Variants in NRXN1 observed in about 807,000 individuals in gnomAD.
NRXN1 encodes neurexin 1, also known as neurexin-1.
Under a neutral mutation model 150.9 loss-of-function variants are expected in NRXN1, and 39 were observed. That is an observed-to-expected ratio of 0.26 (90% CI 0.20 to 0.34). The LOEUF (loss-of-function observed/expected upper bound fraction) is 0.34. NRXN1 is among the 10% of genes least tolerant of loss of function. The probability of loss-of-function intolerance (pLI) is 1.00; values close to 1 mark genes in which losing one functional copy is unlikely to be tolerated. For synonymous variants in NRXN1, 924 were observed against 757.0 expected (o/e 1.22, Z -3.62); for missense variants, 1,815 against 1,949.9 (o/e 0.93, Z 1.30).
intron 2 of NRXN1, among the ~76,000 whole-genome samples, chr2:50,970,335 G>A (rs1274683565): frequency 6.6e-6 from 1 of 152,016 alleles, no homozygotes; most frequent in Admixed American, 6.6e-5. Flanking sequence ...CTGCTGCTGA[G>A]GCCTTCATTT....
intron 19 of NRXN1, among the ~76,000 whole-genome samples, chr2:50,062,567 C>T (rs965833472): frequency 3.3e-5 from 5 of 152,120 alleles, no homozygotes; most frequent in African/African-American, 1.2e-4. Context: ...AACAAGCAGA[C>T]TTCCGGGAAA....
intron 18 of NRXN1, among the ~76,000 whole-genome samples, chr2:50,093,665 T>A (rs776333894): frequency 7.2e-5 from 11 of 152,118 alleles, no homozygotes; most frequent in South Asian, 2.1e-4. Flanking sequence ...AATTACCCTA[T>A]CTACATGGAC....
chr2:50,345,389 C>T (rs1028829690), intron 17 of NRXN1, among the ~76,000 whole-genome samples: 3 of 152,168 alleles, frequency 2.0e-5, no homozygotes, highest in African/African-American at 7.2e-5. Flanking sequence ...ATCCTGGTAG[C>T]ACCAGCAGCT....
chr2:50,574,622 T>C (rs1290450761), intron 8 of NRXN1, among the ~76,000 whole-genome samples: 1 of 152,178 alleles, frequency 6.6e-6, no homozygotes, highest in Non-Finnish European at 1.5e-5. Context: ...AATCCAAATG[T>C]TAACTTCACC....
chr2:50,553,053 C>T, intron 8 of NRXN1, 28 bp from the exon 9 acceptor site: 1 of 1,484,236 alleles, frequency 6.7e-7, no homozygotes. Context: ...CAGTGAGAAA[C>T]TAGCCTCCAT....
chr2:50,183,224 A>G (rs998081283), intron 18 of NRXN1, among the ~76,000 whole-genome samples: 5 of 152,110 alleles, frequency 3.3e-5, no homozygotes, highest in African/African-American at 9.7e-5. Context: ...AATATTTGTC[A>G]GAAGCATCTG....
intron 17 of NRXN1, among the ~76,000 whole-genome samples, chr2:50,434,331 C>T (rs1290069018): frequency 6.6e-6 from 1 of 152,136 alleles, no homozygotes; most frequent in East Asian, 1.9e-4. Context: ...ATCCGCCTAC[C>T]TCGGCCTCCC....
chr2:50,790,906 G>A (rs769661735), intron 5 of NRXN1, among the ~76,000 whole-genome samples: 2 of 151,968 alleles, frequency 1.3e-5, no homozygotes, highest in African/African-American at 2.4e-5. Context: ...TTCCACTTTT[G>A]GCATCAAGTG....
At chr2:50,908,571 A>G (rs1463177511) in intron 5 of NRXN1, among the ~76,000 whole-genome samples, 2 of 152,048 alleles carry the variant, frequency 1.3e-5, no homozygotes, top group Non-Finnish European at 2.9e-5. Context: ...GACAACCAGC[A>G]AAGAGATGGT....
intron 17 of NRXN1, among the ~76,000 whole-genome samples, chr2:50,354,430 T>A (rs1177101482): frequency 6.6e-6 from 1 of 151,410 alleles, no homozygotes; most frequent in African/African-American, 2.4e-5. Flanking sequence ...GTAAAAAAGG[T>A]TAATTGTAGG....
At chr2:50,341,416 T>C (rs10188626) in intron 17 of NRXN1, among the ~76,000 whole-genome samples, 3,813 of 151,160 alleles carry the variant, frequency 0.025, 132 homozygotes, top group African/African-American at 0.088. Context: ...AAAAAAATCA[T>C]TGGGAACCTA....
At chr2:50,082,295 G>C (rs573161804) in intron 19 of NRXN1, among the ~76,000 whole-genome samples, 60 of 152,276 alleles carry the variant, frequency 3.9e-4, no homozygotes, top group Middle Eastern at 3.4e-3. Flanking sequence ...TCATGATAAT[G>C]CTATTCTCTG....
rs1175670559 is a variant in NRXN1 at position 50,403,265 on chromosome 2, C to T, written c.3364+62177G>A. On this transcript the variant is annotated intron_variant, in intron 17 of 22. Transcript: ENST00000401669. The stretch of plus-strand genomic sequence containing the variant: ...ATGGGGTAAAGGAGATTAAGGTGCT[C>T]CTTGTTTGCTTGATAATCATTAATG... Among the ~76,000 whole-genome samples the T allele has an allele frequency of 3.3e-5, 5 of 152,054 alleles. No individual in the cohort carries two copies. In the South Asian group the frequency reaches 6.2e-4, roughly 19 times the overall value.
chr2:50,960,557 T>C (rs1693005749), intron 2 of NRXN1, among the ~76,000 whole-genome samples: 1 of 151,910 alleles, frequency 6.6e-6, no homozygotes, highest in Non-Finnish European at 1.5e-5. Flanking sequence ...AGACATATTA[T>C]CACCTACATG....
At chr2:50,251,704 ACT>A (rs1435834847) in intron 17 of NRXN1, among the ~76,000 whole-genome samples, 7 of 151,800 alleles carry the variant, frequency 4.6e-5, no homozygotes, top group Non-Finnish European at 1.0e-4. Flanking sequence ...CTGTTTCTTG[ACT>A]CTTTAATAAT....
At chr2:50,913,367 CT>C (rs1684794329) in intron 5 of NRXN1, among the ~76,000 whole-genome samples, 1 of 151,666 alleles carries the variant, frequency 6.6e-6, no homozygotes, top group Non-Finnish European at 1.5e-5. Context: ...TGATTGTTTC[CT>C]TAAATGGAGT....
rs1450244062 is a variant in NRXN1 at position 50,158,618 on chromosome 2, A to AT, written c.3547-67125_3547-67124insA. ...TAAAGTTCTTTGTGAAGGAAAAAAA[A>AT]CATTATCTTCAGAAACCAGGAAGCT... On this transcript the variant is annotated intron_variant, in intron 18 of 22. Coordinates refer to ENST00000401669, the MANE Select transcript of NRXN1 (RefSeq NM_001330078.2). 2.6e-5 allele frequency among the ~76,000 whole-genome samples: 4 copies of AT among 152,142 alleles called. No individual in the cohort carries two copies. In the East Asian group the frequency reaches 7.7e-4, roughly 29 times the overall value.
At chr2:50,425,395 A>T (rs2084395476) in intron 17 of NRXN1, among the ~76,000 whole-genome samples, 1 of 152,186 alleles carries the variant, frequency 6.6e-6, no homozygotes, top group Non-Finnish European at 1.5e-5. Flanking sequence ...CATTACAACC[A>T]GCAAGCTTCC....
At chr2:50,133,353 G>A (rs1206588180) in intron 18 of NRXN1, among the ~76,000 whole-genome samples, 1 of 152,048 alleles carries the variant, frequency 6.6e-6, no homozygotes, top group Non-Finnish European at 1.5e-5. Context: ...TTTCAGAGGA[G>A]GTCTGAAGAA....
Sources: allele counts gnomAD v4.1 joint callset (sites outside exome capture counted in the v4.1 genomes callset), GRCh38; gene constraint gnomAD v4.1.1; transcripts MANE v1.5; gene names NCBI Gene and HGNC (gene_info 2026-07-23, HGNC 2026-07-21).